TMC5: variants seen among roughly 807,000 people sequenced by gnomAD.
The protein encoded by TMC5 is transmembrane channel like 5.
A neutral mutation model predicts 110.5 loss-of-function variants in TMC5; 86 were observed. That is an observed-to-expected ratio of 0.78 (90% CI 0.65 to 0.93). The LOEUF is 0.93. Ranked by LOEUF, TMC5 falls within the 40% of genes least tolerant of loss-of-function variation. TMC5 has a pLI of 0.00. For synonymous variants in TMC5, 455 were observed against 439.5 expected (o/e 1.04, Z -0.44); for missense variants, 1,144 against 1,222.8 (o/e 0.94, Z 0.96).
intron 9 of TMC5, among the ~76,000 whole-genome samples, chr16:19,468,480 C>T (rs1357056757): frequency 2.0e-5 from 3 of 152,106 alleles, no homozygotes; most frequent in Non-Finnish European, 4.4e-5. Flanking sequence ...CCCCCGACCC[C>T]CCCCAGAGAA....
intron 5 of TMC5, among the ~76,000 whole-genome samples, chr16:19,455,535 C>A (rs1187194347): frequency 6.6e-6 from 1 of 152,182 alleles, no homozygotes; most frequent in Non-Finnish European, 1.5e-5. Flanking sequence ...GACTGAAGCC[C>A]CTTCTGCAGC....
chr16:19,418,408 A>G (rs1966904366), intron 1 of TMC5, among the ~76,000 whole-genome samples: 1 of 152,092 alleles, frequency 6.6e-6, no homozygotes, highest in South Asian at 2.1e-4. Flanking sequence ...TTGTCTGTAG[A>G]ATGGGTAGTA....
intron 4 of TMC5, among the ~76,000 whole-genome samples, chr16:19,448,748 A>G (rs1967678112): frequency 6.9e-6 from 1 of 145,964 alleles, no homozygotes; most frequent in Non-Finnish European, 1.5e-5. Context: ...CATATAAAAT[A>G]TAGATTACAT....
intron 3 of TMC5, among the ~76,000 whole-genome samples, chr16:19,441,833 C>T (rs946062737): frequency 1.3e-5 from 2 of 151,308 alleles, no homozygotes; most frequent in Non-Finnish European, 1.5e-5. Flanking sequence ...GATGGAGTTT[C>T]GCTCTTGTTG....
At chr16:19,432,786 T>G (rs966228179) in intron 2 of TMC5, among the ~76,000 whole-genome samples, 13 of 152,230 alleles carry the variant, frequency 8.5e-5, no homozygotes, top group Admixed American at 7.9e-4. Context: ...TTGAAGCTAA[T>G]TGTTGGCTGA....
intron 19 of TMC5, among the ~76,000 whole-genome samples, chr16:19,492,934 C>A (rs57679284): frequency 0.73 from 66,409 of 91,444 alleles, 25,846 homozygotes; most frequent in South Asian, 0.83. Flanking sequence ...ATATATATAT[C>A]TCTCTATAAG....
intron 1 of TMC5, among the ~76,000 whole-genome samples, chr16:19,429,892 T>C (rs1417574629): frequency 6.6e-6 from 1 of 152,042 alleles, no homozygotes; most frequent in Non-Finnish European, 1.5e-5. Context: ...ACACCAGTCA[T>C]GTTGCATTAG....
intron 1 of TMC5, chr16:19,411,435 T>C (rs978277843): frequency 1.3e-5 from 2 of 152,176 alleles, no homozygotes; most frequent in Admixed American, 6.5e-5. Flanking sequence ...GGTCTCCTGG[T>C]CCTATTTTAC....
At chr16:19,412,253 T>C (rs1966857472) in intron 1 of TMC5, among the ~76,000 whole-genome samples, 1 of 150,722 alleles carries the variant, frequency 6.6e-6, no homozygotes, top group Non-Finnish European at 1.5e-5. Context: ...TAAATTTTTG[T>C]AGAGATGGGG....
rs5816052 is a variant in TMC5 at position 19,439,962 on chromosome 16, G to GAA, written c.-66_-65dup. On this transcript the variant is annotated 5_prime_UTR_variant, in exon 3 of 22. Coordinates refer to ENST00000542583, the MANE Select transcript of TMC5 (RefSeq NM_001261841.2). ...TTTCTTTTCTTCTTGTTTTTCAGGT[G>GAA]AAAAAAAAAAAAGATCCCTGAGTAA... The GAA allele has an allele frequency of 1.2e-4, 126 of 1,025,448 alleles. No individual in the cohort carries two copies. Among genetic ancestry groups the GAA allele is most frequent in the Non-Finnish European group, 1.4e-4 (106 of 735,224 alleles). 63.5% of individuals were successfully genotyped at this position (1,025,448 alleles called of 1,614,324 possible).
chr16:19,465,058 TTCC>T (rs1424038063), intron 8 of TMC5, among the ~76,000 whole-genome samples: 1 of 105,116 alleles, frequency 9.5e-6, no homozygotes, highest in Non-Finnish European at 1.7e-5. Context: ...TTTCTTTCTT[TTCC>T]TTCCTTCCTT....
At chr16:19,418,412 G>C (rs574824066) in intron 1 of TMC5, among the ~76,000 whole-genome samples, 2 of 152,176 alleles carry the variant, frequency 1.3e-5, no homozygotes, top group Admixed American at 1.3e-4. Flanking sequence ...CTGTAGAATG[G>C]GTAGTATGCC....
intron 7 of TMC5, 72 bp from the exon 8 acceptor site, chr16:19,463,704 A>G: frequency 6.4e-7 from 1 of 1,550,924 alleles, no homozygotes; most frequent in South Asian, 1.2e-5. Context: ...TGTTTCTGTT[A>G]TTATGGCACC....
intron 2 of TMC5, among the ~76,000 whole-genome samples, chr16:19,436,295 A>AAAAAG (rs1491247478): frequency 1.3e-5 from 2 of 150,676 alleles, no homozygotes; most frequent in African/African-American, 4.9e-5. Flanking sequence ...GAAAGGAAAA[A>AAAAAG]GAAAAAGAAA....
intron 1 of TMC5, among the ~76,000 whole-genome samples, chr16:19,423,776 G>C (rs1385114099): frequency 6.6e-6 from 1 of 152,052 alleles, no homozygotes; most frequent in Non-Finnish European, 1.5e-5. Context: ...TTTTGAGACA[G>C]AATCTTTCTC....
chr16:19,464,914 A>G (rs74981560), intron 8 of TMC5, among the ~76,000 whole-genome samples: 1,844 of 150,990 alleles, frequency 0.012, 19 homozygotes, highest in Middle Eastern at 0.049. Context: ...GATGACAGGC[A>G]CATAGATTAT....
intron 4 of TMC5, among the ~76,000 whole-genome samples, chr16:19,444,960 G>A (rs1232223000): frequency 7.2e-5 from 11 of 152,112 alleles, no homozygotes; most frequent in East Asian, 5.8e-4. Flanking sequence ...GTGAAACCCC[G>A]TCTCTACTAA....
chr16:19,486,632 C>CA (rs1968748742), intron 15 of TMC5, among the ~76,000 whole-genome samples: 1 of 151,880 alleles, frequency 6.6e-6, no homozygotes, highest in Admixed American at 6.6e-5. Context: ...CCCCTCTTGG[C>CA]CTCCCAAAGT....
intron 12 of TMC5, among the ~76,000 whole-genome samples, 198 bp from the exon 13 acceptor site, chr16:19,477,242 C>A (rs1039367772): frequency 1.3e-5 from 2 of 151,698 alleles, no homozygotes; most frequent in African/African-American, 4.8e-5. Flanking sequence ...AGCAAGACTC[C>A]GTCTCAAAAA....
Sources: allele counts gnomAD v4.1 joint callset (sites outside exome capture counted in the v4.1 genomes callset), GRCh38; gene constraint gnomAD v4.1.1; transcripts MANE v1.5; gene names NCBI Gene and HGNC (gene_info 2026-07-23, HGNC 2026-07-21).